Variants in DRC11 observed in about 807,000 individuals in gnomAD.
The protein encoded by DRC11 is IQ and AAA domain-containing protein 1.
chr2:236,341,981 C>T, the DRC11 span, among the ~76,000 whole-genome samples: 1 of 152,192 alleles, frequency 6.6e-6, no homozygotes, highest in South Asian at 2.1e-4. Flanking sequence ...TTCCTGTCCG[C>T]AACAGTGTCC....
the DRC11 span, among the ~76,000 whole-genome samples, chr2:236,358,183 T>G: frequency 8.5e-6 from 1 of 117,976 alleles, no homozygotes; most frequent in Non-Finnish European, 1.7e-5. Context: ...ATATATACTC[T>G]ATGAATATAT....
the DRC11 span, among the ~76,000 whole-genome samples, chr2:236,452,045 T>A: frequency 6.6e-6 from 1 of 152,244 alleles, no homozygotes; most frequent in Non-Finnish European, 1.5e-5. This position sits in a 1 kb window ranked among gnomAD's most constrained non-coding sequence, Gnocchi z 4.7. Flanking sequence ...TATTCCATGA[T>A]TAATGTTACT....
the DRC11 span, among the ~76,000 whole-genome samples, chr2:236,389,429 G>A: frequency 1.3e-5 from 2 of 152,154 alleles, no homozygotes; most frequent in African/African-American, 4.8e-5. Context: ...AATTTTCCAG[G>A]TGCCGTCCGT....
At chr2:236,331,286 C>T in the DRC11 span, 15 of 1,095,472 alleles carry the variant, frequency 1.4e-5, no homozygotes, top group East Asian at 4.7e-5. This position sits in a 1 kb window ranked among gnomAD's most constrained non-coding sequence, Gnocchi z 4.8. Flanking sequence ...ACGAAACCCA[C>T]GGAACTGCAG....
At chr2:236,338,547 T>C in the DRC11 span, among the ~76,000 whole-genome samples, 1 of 152,248 alleles carries the variant, frequency 6.6e-6, no homozygotes, top group Non-Finnish European at 1.5e-5. Context: ...CGGAATGTGC[T>C]TCCCAGTATG....
the DRC11 span, among the ~76,000 whole-genome samples, chr2:236,459,512 C>T: frequency 8.9e-3 from 801 of 89,768 alleles, 16 homozygotes; most frequent in African/African-American, 0.03. Context: ...TATACGTATA[C>T]GTATACATGT....
chr2:236,352,686 G>A, the DRC11 span, among the ~76,000 whole-genome samples: 1 of 152,116 alleles, frequency 6.6e-6, no homozygotes, highest in Admixed American at 6.6e-5. The surrounding 1 kb of genome is among the most constrained non-coding windows in gnomAD (Gnocchi z 7.0). Flanking sequence ...TTACGAAAAT[G>A]GGATCTTGTT....
the DRC11 span, among the ~76,000 whole-genome samples, chr2:236,466,973 A>G: frequency 6.6e-6 from 1 of 152,192 alleles, no homozygotes; most frequent in Non-Finnish European, 1.5e-5. Flanking sequence ...GGCCCCTCCC[A>G]CTTGAATGGC....
At chr2:236,379,964 T>C in the DRC11 span, among the ~76,000 whole-genome samples, 2 of 152,322 alleles carry the variant, frequency 1.3e-5, no homozygotes, top group Non-Finnish European at 2.9e-5. Flanking sequence ...GGAAGAAAAA[T>C]ATACATTCAA....
At chr2:236,351,121 T>C in the DRC11 span, among the ~76,000 whole-genome samples, 11 of 152,206 alleles carry the variant, frequency 7.2e-5, no homozygotes, top group Admixed American at 3.3e-4. The surrounding 1 kb of genome is among the most constrained non-coding windows in gnomAD (Gnocchi z 7.3). Context: ...CATTTCTTCC[T>C]TTATAAGACA....
chr2:236,465,596 C>T, the DRC11 span: 1 of 1,613,910 alleles, frequency 6.2e-7, no homozygotes, highest in African/African-American at 1.3e-5. This position sits in a 1 kb window ranked among gnomAD's most constrained non-coding sequence, Gnocchi z 6.2. Context: ...TTGATGGTAA[C>T]CAGGGCTTCC....
At chr2:236,493,427 CTTAA>C in the DRC11 span, among the ~76,000 whole-genome samples, 43 of 152,312 alleles carry the variant, frequency 2.8e-4, 1 homozygote, top group African/African-American at 8.9e-4. Flanking sequence ...TATGTCAGCA[CTTAA>C]TTATTTTACA....
the DRC11 span, chr2:236,324,665 T>A: frequency 7.3e-7 from 1 of 1,368,960 alleles, no homozygotes; most frequent in Non-Finnish European, 1.0e-6. This position sits in a 1 kb window ranked among gnomAD's most constrained non-coding sequence, Gnocchi z 5.7. Context: ...TTACTTTTTC[T>A]TTTTTGCCTT....
the DRC11 span, among the ~76,000 whole-genome samples, chr2:236,383,180 AG>A: frequency 6.6e-6 from 1 of 152,138 alleles, no homozygotes; most frequent in Admixed American, 6.5e-5. Context: ...TGGTCTTGGT[AG>A]GTTGTATATT....
chr2:236,461,971 C>T, the DRC11 span, among the ~76,000 whole-genome samples: 6 of 152,066 alleles, frequency 3.9e-5, no homozygotes, highest in Admixed American at 6.5e-5. The surrounding 1 kb of genome is among the most constrained non-coding windows in gnomAD (Gnocchi z 4.0). Flanking sequence ...TGGGGCAGCA[C>T]GGTGAGGGAA....
the DRC11 span, among the ~76,000 whole-genome samples, chr2:236,425,270 C>T: frequency 6.6e-6 from 1 of 152,116 alleles, no homozygotes; most frequent in East Asian, 1.9e-4. Context: ...AATTTACATT[C>T]CCACCAACAG....
chr2:236,405,505 G>A, the DRC11 span, among the ~76,000 whole-genome samples: 24 of 151,916 alleles, frequency 1.6e-4, no homozygotes, highest in African/African-American at 5.3e-4. The surrounding 1 kb of genome is among the most constrained non-coding windows in gnomAD (Gnocchi z 4.6). Context: ...TGACCTGCCC[G>A]GTCTCTGGGT....
the DRC11 span, among the ~76,000 whole-genome samples, chr2:236,342,301 G>A: frequency 1.3e-5 from 2 of 152,328 alleles, no homozygotes; most frequent in Non-Finnish European, 2.9e-5. This position sits in a 1 kb window ranked among gnomAD's most constrained non-coding sequence, Gnocchi z 5.8. Context: ...CGGGGCAGGT[G>A]GGAGGAAGGA....
chr2:236,319,169 C>A, the DRC11 span, among the ~76,000 whole-genome samples: 1 of 152,228 alleles, frequency 6.6e-6, no homozygotes, highest in Non-Finnish European at 1.5e-5. This position sits in a 1 kb window ranked among gnomAD's most constrained non-coding sequence, Gnocchi z 6.7. Context: ...GTACAGCCTG[C>A]CCCATGGCAC....
Sources: gnomAD v4.1 joint callset for allele counts (sites outside exome capture counted in the v4.1 genomes callset) on GRCh38, gnomAD v4.1.1 for gene constraint, Gnocchi (gnomAD v3.1) non-coding constraint, MANE v1.5 for transcripts, NCBI Gene and HGNC (gene_info 2026-07-23, HGNC 2026-07-21) for gene names.